Variants in DOCK4 observed in about 807,000 individuals in gnomAD.
The protein encoded by DOCK4 is dedicator of cytokinesis 4.
DOCK4 carries 97 observed loss-of-function variants against 268.1 expected under a neutral mutation model. The observed-to-expected ratio is 0.36, with a 90% CI of 0.31 to 0.43. DOCK4 has a LOEUF of 0.43. Ranked by LOEUF, DOCK4 falls within the 20% of genes least tolerant of loss-of-function variation. The probability of loss-of-function intolerance (pLI) is 1.00; values close to 1 mark genes in which losing one functional copy is unlikely to be tolerated. For synonymous variants in DOCK4, 954 were observed against 887.2 expected (o/e 1.08, Z -1.34); for missense variants, 2,145 against 2,455.7 (o/e 0.87, Z 2.67).
intron 41 of DOCK4, among the ~76,000 whole-genome samples, chr7:111,755,986 T>C (rs965008854): frequency 1.3e-5 from 2 of 152,166 alleles, no homozygotes; most frequent in African/African-American, 2.4e-5. Context: ...CCTGTCAACG[T>C]AGAATTAGAA....
At chr7:111,951,856 A>C (rs1406931410) in intron 8 of DOCK4, among the ~76,000 whole-genome samples, 1 of 151,968 alleles carries the variant, frequency 6.6e-6, no homozygotes, top group East Asian at 1.9e-4. Context: ...TCCAGGGGTA[A>C]GACCTTGTCT....
chr7:111,977,062 A>T, intron 8 of DOCK4, 70 bp downstream of exon 8: 1 of 1,550,988 alleles, frequency 6.4e-7, no homozygotes, highest in East Asian at 2.3e-5. Flanking sequence ...TATATCTTAC[A>T]GCTTGCCAAT....
At chr7:111,755,690 G>A in intron 41 of DOCK4, 89 bp from the exon 42 acceptor site, 1 of 1,194,308 alleles carries the variant, frequency 8.4e-7, no homozygotes, top group Non-Finnish European at 1.2e-6. Context: ...CTGTTACCAG[G>A]CTTTGCTTAT....
chr7:112,200,727 A>AAAAAT (rs1554478855), intron 1 of DOCK4, among the ~76,000 whole-genome samples: 1 of 118,418 alleles, frequency 8.4e-6, no homozygotes, highest in Non-Finnish European at 1.7e-5. Context: ...CTCTAAAATA[A>AAAAAT]AAAAAAAAAA....
chr7:111,768,184 AACAG>A (rs777641349), intron 37 of DOCK4, among the ~76,000 whole-genome samples: 5 of 152,208 alleles, frequency 3.3e-5, no homozygotes, highest in Non-Finnish European at 5.9e-5. Flanking sequence ...GCTGTACAGA[AACAG>A]ACAGTGAGCC....
chr7:111,895,208 C>T (rs1420753983), intron 16 of DOCK4, among the ~76,000 whole-genome samples: 1 of 152,136 alleles, frequency 6.6e-6, no homozygotes, highest in Non-Finnish European at 1.5e-5. Flanking sequence ...TCTCTGCCTG[C>T]TTAGTAACAA....
chr7:111,935,545 T>C lies in DOCK4; in HGVS notation c.1061A>G (p.Asn354Ser), dbSNP rs761157457. 6 of 1,613,512 alleles carry C rather than the reference T, an allele frequency of 3.7e-6. No homozygotes were observed. The highest frequency in any genetic ancestry group is 3.3e-5 in the South Asian group (3 of 91,058). ...LNARYNLTGS[N>S]AGLAVSLQLL... ...CAGCCAGCCCATACACTCACCTGCA[T>C]TGGAGCCAGTCAAGTTATAACGTGC... is the stretch of plus-strand genomic sequence containing the variant. The change falls in exon 12 of 53, where the codon AAT (asparagine) becomes AGT (serine). Residue 354 changes from asparagine to serine, a missense_variant. By Grantham distance (46) the Asn-to-Ser change is conservative. Coordinates refer to ENST00000428084, the MANE Select transcript of DOCK4 (RefSeq NM_001363540.2).
At chr7:111,764,062 C>T (rs968552341) in intron 39 of DOCK4, among the ~76,000 whole-genome samples, 3 of 152,070 alleles carry the variant, frequency 2.0e-5, no homozygotes, top group Non-Finnish European at 2.9e-5. Flanking sequence ...GCTTTGTGAC[C>T]GCCCACTACA....
intron 13 of DOCK4, among the ~76,000 whole-genome samples, chr7:111,906,652 T>A (rs1226558388): frequency 6.6e-6 from 1 of 152,068 alleles, no homozygotes; most frequent in Admixed American, 6.6e-5. Flanking sequence ...ATTAATGATC[T>A]TGAGATAGGG....
intron 8 of DOCK4, among the ~76,000 whole-genome samples, chr7:111,968,786 A>T (rs892326952): frequency 1.2e-4 from 10 of 84,036 alleles, no homozygotes; most frequent in Non-Finnish European, 1.9e-4. Flanking sequence ...CACTATTCAC[A>T]ATAGCAAAGA....
chr7:111,935,038 C>T (rs145931376), intron 12 of DOCK4, among the ~76,000 whole-genome samples: 2,142 of 151,654 alleles, frequency 0.014, 62 homozygotes, highest in African/African-American at 0.05. Context: ...CATCCGCCTC[C>T]CAGGTTCAAG....
chr7:111,761,326 C>T (rs752320061), intron 39 of DOCK4, among the ~76,000 whole-genome samples: 2 of 152,164 alleles, frequency 1.3e-5, no homozygotes, highest in South Asian at 4.1e-4. Flanking sequence ...TCCCATAGTG[C>T]TGGGATTACA....
chr7:112,078,639 C>T (rs1471828609), intron 1 of DOCK4, among the ~76,000 whole-genome samples: 4 of 152,078 alleles, frequency 2.6e-5, no homozygotes, highest in Non-Finnish European at 4.4e-5. Flanking sequence ...CTGAAATGGT[C>T]AAACAATATA....
chr7:112,109,195 C>A (rs867056637), intron 1 of DOCK4, among the ~76,000 whole-genome samples: 1 of 152,192 alleles, frequency 6.6e-6, no homozygotes, highest in Non-Finnish European at 1.5e-5. Context: ...GCAGAAGCAG[C>A]ATGCTGGGTG....
At chr7:111,882,399 T>C (rs1479088538) in intron 16 of DOCK4, among the ~76,000 whole-genome samples, 1 of 152,224 alleles carries the variant, frequency 6.6e-6, no homozygotes, top group Non-Finnish European at 1.5e-5. Flanking sequence ...GCTGTAATAA[T>C]AAAGGTGATT....
intron 8 of DOCK4, among the ~76,000 whole-genome samples, chr7:111,963,407 G>A (rs1458538397): frequency 7.9e-6 from 1 of 126,382 alleles, no homozygotes; most frequent in East Asian, 2.7e-4. Context: ...AGCGCAAGGG[G>A]TCAGGGAGTT....
chr7:111,798,638 G>T (rs1800063464), intron 30 of DOCK4, among the ~76,000 whole-genome samples: 1 of 152,176 alleles, frequency 6.6e-6, no homozygotes, highest in South Asian at 2.1e-4. Flanking sequence ...CAGAATTACT[G>T]TCCTCTAGGG....
chr7:111,921,056 A>G (rs1266934783), intron 12 of DOCK4, among the ~76,000 whole-genome samples: 1 of 152,178 alleles, frequency 6.6e-6, no homozygotes, highest in Non-Finnish European at 1.5e-5. Flanking sequence ...TGTAAATAAT[A>G]TTTTAAGTCA....
intron 50 of DOCK4, among the ~76,000 whole-genome samples, chr7:111,735,537 C>A (rs767640784): frequency 1.3e-5 from 2 of 152,064 alleles, no homozygotes; most frequent in Non-Finnish European, 2.9e-5. Flanking sequence ...ACAAGTGACA[C>A]CTAAAAATGG....
Sources: gnomAD v4.1 joint callset for allele counts (sites outside exome capture counted in the v4.1 genomes callset) on GRCh38, gnomAD v4.1.1 for gene constraint, MANE v1.5 for transcripts, NCBI Gene and HGNC (gene_info 2026-07-23, HGNC 2026-07-21) for gene names.